HMCN1: variants seen among roughly 807,000 people sequenced by gnomAD.
HMCN1 encodes the protein hemicentin 1.
A neutral mutation model predicts 625.9 loss-of-function variants in HMCN1; 321 were observed. The observed-to-expected ratio is 0.51, with a 90% CI of 0.47 to 0.56. HMCN1 has a LOEUF of 0.56. Among genes scored for constraint, HMCN1 ranks in the 20% least tolerant of loss-of-function variants. The pLI, the probability that HMCN1 is intolerant of heterozygous loss-of-function variation, is 0.00. For synonymous variants in HMCN1, 2,425 were observed against 2,417.6 expected (o/e 1.00, Z -0.09); for missense variants, 6,588 against 6,887.3 (o/e 0.96, Z 1.54).
chr1:185,941,259 A>G (rs1228399883), intron 11 of HMCN1, among the ~76,000 whole-genome samples: 1 of 152,234 alleles, frequency 6.6e-6, no homozygotes, highest in Non-Finnish European at 1.5e-5. Context: ...GGTCTTCAGA[A>G]TGGATTACTT....
chr1:186,080,181 C>T (rs1659079446), intron 55 of HMCN1, among the ~76,000 whole-genome samples: 1 of 152,108 alleles, frequency 6.6e-6, no homozygotes, highest in African/African-American at 2.4e-5. Context: ...TGTGAAAGTA[C>T]GCATTCAAAA....
At chr1:185,795,370 C>T (rs1389371696) in intron 1 of HMCN1, among the ~76,000 whole-genome samples, 1 of 152,186 alleles carries the variant, frequency 6.6e-6, no homozygotes, top group African/African-American at 2.4e-5. Flanking sequence ...TTTAAATTCT[C>T]TTCCCAAGAG....
intron 15 of HMCN1, among the ~76,000 whole-genome samples, chr1:185,971,185 C>T (rs1390966634): frequency 6.6e-6 from 1 of 152,008 alleles, no homozygotes; most frequent in East Asian, 1.9e-4. Context: ...ATCTGGAGGC[C>T]AGAAATTATA....
chr1:186,112,045 T>C (rs1660914673), intron 71 of HMCN1, among the ~76,000 whole-genome samples: 1 of 152,222 alleles, frequency 6.6e-6, no homozygotes. Flanking sequence ...TATTTTATCC[T>C]TAAATTACTT....
intron 11 of HMCN1, among the ~76,000 whole-genome samples, chr1:185,950,011 G>A (rs1260943590): frequency 6.6e-6 from 1 of 151,878 alleles, no homozygotes; most frequent in Non-Finnish European, 1.5e-5. Context: ...CTTTGCTGGT[G>A]TGTGGCGATT....
At chr1:186,167,344 A>G (rs1157521287) in intron 100 of HMCN1, among the ~76,000 whole-genome samples, 1 of 152,162 alleles carries the variant, frequency 6.6e-6, no homozygotes, top group Non-Finnish European at 1.5e-5. Context: ...ATTTTTTAGA[A>G]CAGTTTTAGG....
chr1:185,858,139 A>C (rs146350750), intron 2 of HMCN1, among the ~76,000 whole-genome samples: 1 of 152,340 alleles, frequency 6.6e-6, no homozygotes, highest in East Asian at 1.9e-4. Context: ...ACATGTTAAA[A>C]GTGATACTTA....
At chr1:186,172,806 AC>A (rs766934745) in intron 102 of HMCN1, among the ~76,000 whole-genome samples, 1 of 151,892 alleles carries the variant, frequency 6.6e-6, no homozygotes, top group African/African-American at 2.4e-5. Flanking sequence ...ACTCCACTAT[AC>A]CCCCTCCCCC....
intron 1 of HMCN1, among the ~76,000 whole-genome samples, chr1:185,754,655 G>A (rs139158520): frequency 9.7e-4 from 147 of 152,176 alleles, no homozygotes; most frequent in African/African-American, 3.2e-3. Flanking sequence ...TTTGAGACCA[G>A]CCTGGGCAAC....
intron 85 of HMCN1, 51 bp from the exon 86 acceptor site, chr1:186,132,277 G>T (rs1386716949): frequency 1.0e-5 from 13 of 1,284,646 alleles, no homozygotes; most frequent in African/African-American, 1.5e-5. Context: ...AAAAGTGATT[G>T]CCCTGCTCTG....
chr1:186,132,076 G>A (rs1661968036), intron 85 of HMCN1, among the ~76,000 whole-genome samples: 1 of 152,006 alleles, frequency 6.6e-6, no homozygotes, highest in African/African-American at 2.4e-5. Context: ...TAGTATTCCT[G>A]GAGATCAATG....
At chr1:186,020,951 G>T (rs1654678377) in intron 35 of HMCN1, among the ~76,000 whole-genome samples, 1 of 152,066 alleles carries the variant, frequency 6.6e-6, no homozygotes, top group Admixed American at 6.6e-5. Flanking sequence ...GACCTTTGAA[G>T]AGTTTTAAGA....
intron 49 of HMCN1, among the ~76,000 whole-genome samples, chr1:186,066,550 C>G (rs1395569862): frequency 6.6e-6 from 1 of 152,174 alleles, no homozygotes; most frequent in Non-Finnish European, 1.5e-5. Context: ...CGTCTACTGT[C>G]TCCACCACTT....
At chr1:185,964,732 G>T (rs748597059) in intron 13 of HMCN1, among the ~76,000 whole-genome samples, 1 of 152,016 alleles carries the variant, frequency 6.6e-6, no homozygotes, top group Non-Finnish European at 1.5e-5. Context: ...TAATTCAGAC[G>T]GAGGAATTAG....
In HMCN1 at chr1:185,917,918, C is replaced by A. The variant is rs115863866; in HGVS notation, c.901-4461C>A. Among the ~76,000 whole-genome samples, 1,344 of 152,220 alleles carry A rather than the reference C, an allele frequency of 8.8e-3. 19 individuals carry two copies. Among genetic ancestry groups the A allele is most frequent in the African/African-American group, 0.03 (1,263 of 41,536 alleles). On this transcript the variant is annotated intron_variant, in intron 6 of 106. Coordinates refer to ENST00000271588, the MANE Select transcript of HMCN1 (RefSeq NM_031935.3). ...CTCCTTCATTCTTGGCAGTCTCACT[C>A]CAATTGAGAAACCTAGACTCTGGTT...
chr1:186,114,240 A>G, intron 73 of HMCN1, 117 bp downstream of exon 73: 1 of 1,037,546 alleles, frequency 9.6e-7, no homozygotes, highest in Admixed American at 2.0e-5. Flanking sequence ...TCATCTTAAT[A>G]CGAGAATCAA....
rs1653592143 is a variant in HMCN1 at position 186,189,684 on chromosome 1, G to T, written c.16714G>T (p.Val5572Leu). The change falls in exon 107 of 107, where the codon GTA becomes TTA. Residue 5572 changes from valine (V) to leucine (L), a missense_variant. Around this residue, in one of 3 missense-constraint regions of HMCN1, gnomAD observed 1,954 missense variants for 2,013.1 expected, o/e 0.97. Transcript: ENST00000271588. The part of the protein sequence containing the change: ...VMHPRTTFLM[V>L]DEEQTVPFAL... Reference sequence around the variant, plus strand: ...GCATCCCAGGACAACTTTCCTCATGGTAGATGAGGAACAGACTGTTCCTTT... The same window carrying T: ...GCATCCCAGGACAACTTTCCTCATGTTAGATGAGGAACAGACTGTTCCTTT... The T allele has an allele frequency of 3.7e-6, 6 of 1,612,250 alleles. No homozygotes were observed. The highest frequency in any genetic ancestry group is 5.1e-6 in the Non-Finnish European group (6 of 1,178,632).
In HMCN1 at chr1:186,076,585, C is replaced by T; in HGVS notation, c.8448C>T (p.His2816=). ...PPTLTWYKDG[H]PLTSSDKVLI... ...CACTGACATGGTACAAAGATGGCCA[C>T]CCTCTGACCTCAAGTGATAAAGTAT... is the stretch of plus-strand genomic sequence containing the variant. Residue 2816 remains histidine (H), a synonymous_variant, in exon 54 of 107, where the codon CAC becomes CAT. Coordinates refer to ENST00000271588, the MANE Select transcript of HMCN1 (RefSeq NM_031935.3). The T allele has an allele frequency of 3.1e-6, 5 of 1,613,744 alleles. No individual in the cohort carries two copies. Among genetic ancestry groups the T allele is most frequent in the Non-Finnish European group, 3.4e-6 (4 of 1,179,800 alleles).
intron 98 of HMCN1, among the ~76,000 whole-genome samples, chr1:186,165,569 G>A (rs988399602): frequency 2.6e-5 from 4 of 152,206 alleles, no homozygotes; most frequent in Admixed American, 6.5e-5. Context: ...CAGAGGACAG[G>A]CAGGATTGTG....
Sources: gnomAD v4.1 joint callset for allele counts (sites outside exome capture counted in the v4.1 genomes callset) on GRCh38, gnomAD v4.1.1 for gene constraint, gnomAD v4.1.1 regional missense constraint, MANE v1.5 for transcripts, NCBI Gene and HGNC (gene_info 2026-07-23, HGNC 2026-07-21) for gene names.